CD47: variants seen among roughly 807,000 people sequenced by gnomAD.
CD47 encodes the protein leukocyte surface antigen CD47.
Under a neutral mutation model 44.6 loss-of-function variants are expected in CD47, and 11 were observed. The ratio of observed to expected loss-of-function variants is 0.25; its 90% CI spans 0.16 to 0.41. The LOEUF (loss-of-function observed/expected upper bound fraction) is 0.41. Among genes scored for constraint, CD47 ranks in the 10% least tolerant of loss-of-function variants. The pLI, the probability that CD47 is intolerant of heterozygous loss-of-function variation, is 1.00. For synonymous variants in CD47, 140 were observed against 136.3 expected (o/e 1.03, Z -0.19); for missense variants, 306 against 386.7 (o/e 0.79, Z 1.75).
chr3:108,083,896 CTTTT>C (rs34994254), intron 1 of CD47, among the ~76,000 whole-genome samples: 1,513 of 138,024 alleles, frequency 0.011, 17 homozygotes, highest in African/African-American at 0.037. Context: ...CTATCCACAC[CTTTT>C]TTTTTTTTTT....
intron 7 of CD47, among the ~76,000 whole-genome samples, chr3:108,057,106 A>G (rs1248815761): frequency 6.6e-6 from 1 of 152,192 alleles, no homozygotes; most frequent in Non-Finnish European, 1.5e-5. Flanking sequence ...TAAAAATCCT[A>G]TTCTATTACT....
At position 108,046,022 on chromosome 3, in the gene CD47, C is replaced by T. The variant is rs2078717429; in HGVS notation, c.*1266G>A. ...TCTCATACGTATGCACATACAAACA[C>T]ACATCCACAAACAGGTAAAAAACGA... On this transcript the variant is annotated 3_prime_UTR_variant, in exon 11 of 11. Transcript: ENST00000361309. 1 of 152,218 alleles carries T rather than the reference C, an allele frequency of 6.6e-6. No individual in the cohort carries two copies. Among genetic ancestry groups the T allele is most frequent in the African/African-American group, 2.4e-5 (1 of 41,452 alleles). 9.4% of individuals were successfully genotyped at this position (152,218 alleles called of 1,614,324 possible).
intron 10 of CD47, among the ~76,000 whole-genome samples, chr3:108,048,916 A>G (rs1180623088): frequency 6.6e-6 from 1 of 152,202 alleles, no homozygotes; most frequent in Admixed American, 6.5e-5. Context: ...AATGCCAACA[A>G]AACTGAGGAA....
At chr3:108,071,273 G>A in intron 2 of CD47, 91 bp from the exon 3 acceptor site, 2 of 590,304 alleles carry the variant, frequency 3.4e-6, no homozygotes, top group Non-Finnish European at 2.9e-6. Flanking sequence ...TTATTATAGA[G>A]ATGGAAAAAA....
chr3:108,090,997 C>T lies in CD47; in HGVS notation c.-89G>A. The T allele has an allele frequency of 1.1e-6, 1 of 946,814 alleles. No individual in the cohort carries two copies. The highest frequency in any genetic ancestry group is 3.7e-4 in the Middle Eastern group (1 of 2,716). 58.7% of individuals were successfully genotyped at this position (946,814 alleles called of 1,614,324 possible). A position where few individuals can be genotyped will look rare whatever the true frequency, so the allele number is the denominator to read the frequency against. ...CGTTACAGGCAGGACCGACCGCCGCCGCGCGTCACAGGCAGGACCCACTGC... is the reference window on the plus strand; with the variant it reads ...CGTTACAGGCAGGACCGACCGCCGCTGCGCGTCACAGGCAGGACCCACTGC... On this transcript the variant is annotated 5_prime_UTR_variant, in exon 1 of 11. Coordinates refer to ENST00000361309, the MANE Select transcript of CD47 (RefSeq NM_001777.4).
At chr3:108,077,093 A>T (rs191524718) in intron 2 of CD47, among the ~76,000 whole-genome samples, 11 of 152,278 alleles carry the variant, frequency 7.2e-5, no homozygotes, top group African/African-American at 1.9e-4. Flanking sequence ...CCTCCAAAAA[A>T]TTTAAAAAGG....
chr3:108,082,068 C>T (rs1326449760), intron 1 of CD47, among the ~76,000 whole-genome samples: 1 of 151,670 alleles, frequency 6.6e-6, no homozygotes, highest in African/African-American at 2.4e-5. Context: ...ACATAGTATA[C>T]CAGAGAAGAA....
chr3:108,061,813 T>C (rs1349753847), intron 3 of CD47, among the ~76,000 whole-genome samples: 5 of 152,158 alleles, frequency 3.3e-5, no homozygotes, highest in Admixed American at 1.3e-4. Context: ...CACATAGAGA[T>C]AGTCTCCATG....
intron 9 of CD47, 62 bp downstream of exon 9, chr3:108,050,516 T>C: frequency 2.6e-6 from 2 of 766,532 alleles, no homozygotes; most frequent in South Asian, 3.2e-5. Flanking sequence ...GCATTCTAAC[T>C]GTTTTGCGGG....
intron 6 of CD47, 45 bp downstream of exon 6, chr3:108,058,292 G>A: frequency 9.0e-7 from 1 of 1,108,944 alleles, no homozygotes; most frequent in East Asian, 2.8e-5. Flanking sequence ...GAAGAGCTCT[G>A]TCCAAAAGTA....
Position 108,047,195 on chromosome 3 carries a change from A to G in CD47, c.*93T>C, listed in dbSNP as rs2108214863. 14 of 1,015,354 alleles carry G rather than the reference A, an allele frequency of 1.4e-5. No homozygotes were observed. In the South Asian group the frequency reaches 2.1e-4, roughly 15 times the overall value. The allele number at this position is 1,015,354 out of a possible 1,614,324, so 62.9% of individuals were successfully genotyped here. A position where few individuals can be genotyped will look rare whatever the true frequency, so the allele number is the denominator to read the frequency against. ...TTACTTTTCTTGTTTCTTCTCCCCA[A>G]CAGTGAATCATCAAGGCCATGGTGC... On this transcript the variant is annotated 3_prime_UTR_variant, in exon 11 of 11. Transcript: ENST00000361309.
chr3:108,048,575 G>A (rs1025748010), intron 10 of CD47, among the ~76,000 whole-genome samples: 2 of 151,858 alleles, frequency 1.3e-5, no homozygotes, highest in Middle Eastern at 3.4e-3. Flanking sequence ...TAGTAGAGAC[G>A]GGGTTTCACC....
intron 1 of CD47, among the ~76,000 whole-genome samples, chr3:108,083,575 G>A (rs1246731895): frequency 6.6e-6 from 1 of 151,980 alleles, no homozygotes; most frequent in Non-Finnish European, 1.5e-5. Flanking sequence ...TTTTCTGCAT[G>A]GACAACGTCC....
chr3:108,059,016 T>C (rs1232996924), intron 5 of CD47, among the ~76,000 whole-genome samples: 1 of 152,164 alleles, frequency 6.6e-6, no homozygotes, highest in Admixed American at 6.5e-5. Flanking sequence ...ACTACAGTAT[T>C]AAGGTTTGCT....
At chr3:108,052,299 C>T in intron 7 of CD47, 1 of 263,204 alleles carries the variant, frequency 3.8e-6, no homozygotes, top group Non-Finnish European at 7.4e-6. Flanking sequence ...ACCATGGGTG[C>T]TCCATCCTCC....
intron 7 of CD47, among the ~76,000 whole-genome samples, chr3:108,056,635 TA>T (rs2078917403): frequency 6.6e-6 from 1 of 152,140 alleles, no homozygotes; most frequent in Admixed American, 6.5e-5. Flanking sequence ...TTTTATTTCA[TA>T]AAAATATAAT....
At chr3:108,066,936 C>CA (rs1210443474) in intron 3 of CD47, among the ~76,000 whole-genome samples, 1 of 152,068 alleles carries the variant, frequency 6.6e-6, no homozygotes, top group African/African-American at 2.4e-5. Flanking sequence ...TTCAAAAAAA[C>CA]ATTAAAGGAA....
intron 1 of CD47, among the ~76,000 whole-genome samples, chr3:108,084,563 C>T (rs983427118): frequency 6.6e-6 from 1 of 152,082 alleles, no homozygotes; most frequent in African/African-American, 2.4e-5. Context: ...CATGCACTGC[C>T]TTTCTTCTAA....
At chr3:108,058,746 T>C (rs535904236) in intron 5 of CD47, among the ~76,000 whole-genome samples, 2 of 152,314 alleles carry the variant, frequency 1.3e-5, no homozygotes, top group East Asian at 3.9e-4. Flanking sequence ...GAATGTCTTC[T>C]CCACATGCAC....
Sources: gnomAD v4.1 joint callset for allele counts (sites outside exome capture counted in the v4.1 genomes callset) on GRCh38, gnomAD v4.1.1 for gene constraint, MANE v1.5 for transcripts, NCBI Gene and HGNC (gene_info 2026-07-23, HGNC 2026-07-21) for gene names.